EPS8: variants seen among roughly 807,000 people sequenced by gnomAD.
EPS8 encodes the protein EGFR pathway substrate 8, signaling adaptor.
EPS8 carries 42 observed loss-of-function variants against 103.8 expected under a neutral mutation model. The ratio of observed to expected loss-of-function variants is 0.40; its 90% CI spans 0.32 to 0.52. The LOEUF (loss-of-function observed/expected upper bound fraction) is 0.52. Among genes scored for constraint, EPS8 ranks in the 20% least tolerant of loss-of-function variants. The pLI is 0.40. For missense variants in EPS8, 969 were observed against 1,005.1 expected (o/e 0.96, Z 0.49); for synonymous variants, 344 against 344.6 (o/e 1.00, Z 0.02).
rs1946203910 is a variant in EPS8 at position 15,693,666 on chromosome 12, A to C, written c.-21-10694T>G. Among the ~76,000 whole-genome samples, 1 of 152,092 alleles carries C rather than the reference A, an allele frequency of 6.6e-6. No individual in the cohort carries two copies. The highest frequency in any genetic ancestry group is 6.6e-5 in the Admixed American group (1 of 15,252). On this transcript the variant is annotated intron_variant, in intron 1 of 20. Transcript: ENST00000281172. This position sits in a 1 kb window ranked among gnomAD's most constrained non-coding sequence, Gnocchi z 5.6. ...ATCCCTTTACTGTTATTTTATTTGG[A>C]GGAAGTGAAATAAATGCATATACCA...
At chr12:15,707,472 A>G (rs1946402162) in intron 1 of EPS8, among the ~76,000 whole-genome samples, 1 of 151,798 alleles carries the variant, frequency 6.6e-6, no homozygotes, top group African/African-American at 2.4e-5. Context: ...TACTCTCCTT[A>G]CTATTTATTA....
Position 15,721,925 on chromosome 12 carries a change from G to A in EPS8, c.-21-38953C>T, listed in dbSNP as rs1946600242. ...GTCATCCTGCTAGCCAGAGACAAAT[G>A]CTTTCACATTTTATAAATTTTTCTA... On this transcript the variant is annotated intron_variant, in intron 1 of 20. Coordinates refer to ENST00000281172, the MANE Select transcript of EPS8 (RefSeq NM_004447.6). This position sits in a 1 kb window ranked among gnomAD's most constrained non-coding sequence, Gnocchi z 4.4. Among the ~76,000 whole-genome samples the A allele has an allele frequency of 6.6e-6, 1 of 150,826 alleles. No individual in the cohort carries two copies. The highest frequency in any genetic ancestry group is 1.5e-5 in the Non-Finnish European group (1 of 67,784).
chr12:15,656,051 C>G (rs1945503047), intron 12 of EPS8, among the ~76,000 whole-genome samples: 1 of 152,190 alleles, frequency 6.6e-6, no homozygotes, highest in South Asian at 2.1e-4. Context: ...AGGTACATAA[C>G]CTGATCACAA....
Position 15,713,091 on chromosome 12 carries a change from C to T in EPS8, c.-21-30119G>A. 1.7e-6 allele frequency: 1 copy of T among 588,818 alleles called. No individual in the cohort carries two copies. The highest frequency in any genetic ancestry group is 2.1e-6 in the Non-Finnish European group (1 of 467,604). 36.5% of individuals were successfully genotyped at this position (588,818 alleles called of 1,614,324 possible). A position where few individuals can be genotyped will look rare whatever the true frequency, so the allele number is the denominator to read the frequency against. ...GTAAACACAGCTACCACTACACTTC[C>T]AACTCTTGCCTAAGATGATTTTTTT... On this transcript the variant is annotated intron_variant, in intron 1 of 20. Coordinates refer to ENST00000281172, the MANE Select transcript of EPS8 (RefSeq NM_004447.6). The surrounding 1 kb of genome is among the most constrained non-coding windows in gnomAD (Gnocchi z 4.8).
rs1377234024 is a variant in EPS8 at position 15,779,503 on chromosome 12, G to T, written c.-22+9658C>A. Among the ~76,000 whole-genome samples, 1 of 152,078 alleles carries T rather than the reference G, an allele frequency of 6.6e-6. No individual in the cohort carries two copies. The highest frequency in any genetic ancestry group is 2.4e-5 in the African/African-American group (1 of 41,406). On this transcript the variant is annotated intron_variant, in intron 1 of 20. Coordinates refer to ENST00000281172, the MANE Select transcript of EPS8 (RefSeq NM_004447.6). This position sits in a 1 kb window ranked among gnomAD's most constrained non-coding sequence, Gnocchi z 4.3. ...ACAGATTTTACACATATTTTTATTTGCAGCTTTGTTTTTCCACTTCAGATA... is the reference window on the plus strand; with the variant it reads ...ACAGATTTTACACATATTTTTATTTTCAGCTTTGTTTTTCCACTTCAGATA...
At position 15,695,937 on chromosome 12, in the gene EPS8, T is replaced by C. The variant is rs1946237268; in HGVS notation, c.-21-12965A>G. Reference sequence around the variant, plus strand: ...TTGCAAAAAGAATAAATATGACAACTTCTGTTAATTTATTAAAAAGTAAAA... The same window carrying C: ...TTGCAAAAAGAATAAATATGACAACCTCTGTTAATTTATTAAAAAGTAAAA... On this transcript the variant is annotated intron_variant, in intron 1 of 20. Transcript: ENST00000281172. The surrounding 1 kb of genome is among the most constrained non-coding windows in gnomAD (Gnocchi z 5.0). Among the ~76,000 whole-genome samples the C allele has an allele frequency of 6.6e-6, 1 of 152,200 alleles. No homozygotes were observed. The highest frequency in any genetic ancestry group is 2.1e-4 in the South Asian group (1 of 4,822).
chr12:15,745,913 G>A lies in EPS8; in HGVS notation c.-22+43248C>T, dbSNP rs1946870727. On this transcript the variant is annotated intron_variant, in intron 1 of 20. Coordinates refer to ENST00000281172, the MANE Select transcript of EPS8 (RefSeq NM_004447.6). This position sits in a 1 kb window ranked among gnomAD's most constrained non-coding sequence, Gnocchi z 4.6. ...CTGAATTACTATCATGACAATAAAT[G>A]CGATCATGCCATAAAATCTCACAAA... Among the ~76,000 whole-genome samples the A allele has an allele frequency of 6.6e-6, 1 of 152,188 alleles. No homozygotes were observed. Among genetic ancestry groups the A allele is most frequent in the Admixed American group, 6.5e-5 (1 of 15,274 alleles).
rs539211326 is a variant in EPS8 at position 15,769,900 on chromosome 12, A to C, written c.-22+19261T>G. The stretch of plus-strand genomic sequence containing the variant: ...GTTGAATAATACCCAAAATAGTTCC[A>C]GTGCCACAATTATTTGTAATTTTCA... On this transcript the variant is annotated intron_variant, in intron 1 of 20. Transcript: ENST00000281172. The surrounding 1 kb of genome is among the most constrained non-coding windows in gnomAD (Gnocchi z 4.6). 2.0e-5 allele frequency among the ~76,000 whole-genome samples: 3 copies of C among 151,290 alleles called. No individual in the cohort carries two copies. The East Asian group carries it at 5.8e-4, about 29-fold the overall frequency.
At chr12:15,691,977 T>C (rs1179843899) in intron 1 of EPS8, among the ~76,000 whole-genome samples, 1 of 152,130 alleles carries the variant, frequency 6.6e-6, no homozygotes, top group Admixed American at 6.5e-5. Flanking sequence ...ATTTCTGTCT[T>C]TCTGCAGGCT....
rs865949414 is a variant in EPS8, at chr12:15,717,512, C to T, written c.-21-34540G>A. Reference sequence around the variant, plus strand: ...TGAGGCAGCAGAATTGCTTAAGCCCCGGAGGCAGAGGTTGCAGTCAGCCGA... The same window carrying T: ...TGAGGCAGCAGAATTGCTTAAGCCCTGGAGGCAGAGGTTGCAGTCAGCCGA... On this transcript the variant is annotated intron_variant, in intron 1 of 20. Coordinates refer to ENST00000281172, the MANE Select transcript of EPS8 (RefSeq NM_004447.6). This position sits in a 1 kb window ranked among gnomAD's most constrained non-coding sequence, Gnocchi z 4.3. Among the ~76,000 whole-genome samples, 2 of 151,758 alleles carry T rather than the reference C, an allele frequency of 1.3e-5. No homozygotes were observed. The highest frequency in any genetic ancestry group is 2.9e-5 in the Non-Finnish European group (2 of 67,938).
At position 15,647,185 on chromosome 12, in the gene EPS8, G is replaced by C. The variant is rs1417914296; in HGVS notation, c.1510C>G (p.Leu504Val). The change falls in exon 15 of 21, where the codon CTG (leucine) becomes GTG (valine). Residue 504 changes from leucine to valine, a missense_variant. Coordinates refer to ENST00000281172, the MANE Select transcript of EPS8 (RefSeq NM_004447.6). ...GCAACAGCAGCTTCCCCTTGGTCCA[G>C]GTGGGATCCTCTTGTGTAAATGTTG... Reference protein sequence around the residue: ...SSNIYTRGSHLDQGEAAVAFK... With the variant: ...SSNIYTRGSHVDQGEAAVAFK... The C allele has an allele frequency of 6.2e-7, 1 of 1,614,058 alleles. No homozygotes were observed. Among genetic ancestry groups the C allele is most frequent in the Non-Finnish European group, 8.5e-7 (1 of 1,179,946 alleles).
In EPS8 at chr12:15,734,064, T is replaced by C. The variant is rs1946743720; in HGVS notation, c.-21-51092A>G. On this transcript the variant is annotated intron_variant, in intron 1 of 20. Transcript: ENST00000281172. This position sits in a 1 kb window ranked among gnomAD's most constrained non-coding sequence, Gnocchi z 4.1. ...CATGTTGCCCAGACTAGTCTCAAAC[T>C]CCTGAGCTCAAGTAATCCTCCCATC... 6.6e-6 allele frequency among the ~76,000 whole-genome samples: 1 copy of C among 152,066 alleles called. No individual in the cohort carries two copies. Among genetic ancestry groups the C allele is most frequent in the Non-Finnish European group, 1.5e-5 (1 of 68,016 alleles).
In EPS8 at chr12:15,681,305, G is replaced by GTAATAATAATAATAA. The variant is rs201331879; in HGVS notation, c.60-18_60-4dup. 146 of 1,083,850 alleles carry GTAATAATAATAATAA rather than the reference G, an allele frequency of 1.3e-4. No individual in the cohort carries two copies. In the African/African-American group the frequency reaches 2.2e-3, roughly 16 times the overall value. The allele number at this position is 1,083,850 out of a possible 1,614,324, so 67.1% of individuals were successfully genotyped here. A position where few individuals can be genotyped will look rare whatever the true frequency, so the allele number is the denominator to read the frequency against. On this transcript the variant is annotated splice_polypyrimidine_tract_variant and splice_region_variant and intron_variant, in intron 2 of 20. Transcript: ENST00000281172. ...AGGTAGGTGATGATCCGTAGCCACT[G>GTAATAATAATAATAA]TAATAATAATAATAATAATAATAAT...
rs566163059 is a variant in EPS8, at chr12:15,765,803, G to GT, written c.-22+23357dup. Reference sequence around the variant, plus strand: ...ACATATCTACTTTTGGAGAAAAGTGGTTTTTTTTTTTTGGTTTTTTTTTTT... The same window carrying GT: ...ACATATCTACTTTTGGAGAAAAGTGGTTTTTTTTTTTTTGGTTTTTTTTTTT... On this transcript the variant is annotated intron_variant, in intron 1 of 20. Transcript: ENST00000281172. 4.3e-3 allele frequency among the ~76,000 whole-genome samples: 606 copies of GT among 139,664 alleles called. 3 individuals carry two copies. Among genetic ancestry groups the GT allele is most frequent in the Middle Eastern group, 0.015 (4 of 274 alleles). The allele number at this position is 139,664 out of a possible 152,430, so 91.6% of individuals were successfully genotyped here.
At chr12:15,699,841 C>A (rs1390258495) in intron 1 of EPS8, among the ~76,000 whole-genome samples, 2 of 152,140 alleles carry the variant, frequency 1.3e-5, no homozygotes, top group Non-Finnish European at 1.5e-5. Flanking sequence ...CTCAATTCCT[C>A]AATTCCCACC....
At position 15,623,189 on chromosome 12, in the gene EPS8, C is replaced by G; in HGVS notation, c.2324G>C (p.Ser775Thr). 6.2e-7 allele frequency: 1 copy of G among 1,611,796 alleles called. No individual in the cohort carries two copies. Among genetic ancestry groups the G allele is most frequent in the Non-Finnish European group, 8.5e-7 (1 of 1,179,290 alleles). The change falls in exon 20 of 21, where the codon AGC (serine) becomes ACC (threonine). Residue 775 changes from serine (S) to threonine (T), a missense_variant. Physicochemically the swap from Ser to Thr is moderately conservative, Grantham distance 58. Coordinates refer to ENST00000281172, the MANE Select transcript of EPS8 (RefSeq NM_004447.6). ...TVCPEGARVY[S>T]QITVQKAALE... is the part of the protein sequence containing the mutation. Reference sequence around the variant, plus strand: ...TGCAGCTTTTTGTACAGTGATTTGGCTATAGACTCTCGCCCCTTCAGGGCA... The same window carrying G: ...TGCAGCTTTTTGTACAGTGATTTGGGTATAGACTCTCGCCCCTTCAGGGCA...
intron 15 of EPS8, among the ~76,000 whole-genome samples, chr12:15,646,203 T>C (rs947187355): frequency 2.0e-5 from 3 of 152,204 alleles, no homozygotes; most frequent in Non-Finnish European, 4.4e-5. Context: ...GAGTTATACC[T>C]GTGTAATTTC....
At chr12:15,753,375 T>C (rs1269655073) in intron 1 of EPS8, among the ~76,000 whole-genome samples, 1 of 152,200 alleles carries the variant, frequency 6.6e-6, no homozygotes, top group Non-Finnish European at 1.5e-5. Flanking sequence ...GGTCTTTGTG[T>C]CTTTTTCAGA....
intron 17 of EPS8, 146 bp downstream of exon 17, chr12:15,640,557 G>T: frequency 1.7e-6 from 1 of 584,198 alleles, no homozygotes; most frequent in Non-Finnish European, 2.8e-6. Context: ...TCTCACCATT[G>T]CCACTCCCCC....
Sources: allele counts gnomAD v4.1 joint callset (sites outside exome capture counted in the v4.1 genomes callset), GRCh38; gene constraint gnomAD v4.1.1; non-coding constraint Gnocchi (gnomAD v3.1); transcripts MANE v1.5; gene names NCBI Gene and HGNC (gene_info 2026-07-23, HGNC 2026-07-21).